The following DIAPH3 variants were observed in gnomAD, a reference collection of about 807,000 sequenced individuals.
The protein encoded by DIAPH3 is protein diaphanous homolog 3.
DIAPH3 carries 117 observed loss-of-function variants against 144.3 expected under a neutral mutation model. That is an observed-to-expected ratio of 0.81 (90% CI 0.70 to 0.95). DIAPH3 has a LOEUF of 0.95. Among genes scored for constraint, DIAPH3 ranks in the 40% least tolerant of loss-of-function variants. DIAPH3 has a pLI of 0.00. For synonymous variants in DIAPH3, 519 were observed against 488.9 expected (o/e 1.06, Z -0.81); for missense variants, 1,421 against 1,412.7 (o/e 1.01, Z -0.09).
chr13:59,831,743 G>A (rs897427960), intron 24 of DIAPH3, among the ~76,000 whole-genome samples: 2 of 151,782 alleles, frequency 1.3e-5, no homozygotes, highest in Admixed American at 1.3e-4. Context: ...ATATTTCTAG[G>A]TCTCTTAGTA....
At chr13:59,737,987 T>C (rs559075941) in intron 27 of DIAPH3, among the ~76,000 whole-genome samples, 53 of 152,008 alleles carry the variant, frequency 3.5e-4, no homozygotes, top group African/African-American at 1.3e-3. Context: ...GCCAAGATGA[T>C]GAAAATCTGT....
chr13:60,071,258 C>T (rs1192869237), intron 4 of DIAPH3, among the ~76,000 whole-genome samples: 1 of 152,132 alleles, frequency 6.6e-6, no homozygotes, highest in Non-Finnish European at 1.5e-5. Flanking sequence ...TTATCATCTT[C>T]CTTTTCTGAT....
At chr13:59,751,231 T>C (rs1489271282) in intron 27 of DIAPH3, among the ~76,000 whole-genome samples, 3 of 152,248 alleles carry the variant, frequency 2.0e-5, no homozygotes, top group African/African-American at 7.2e-5. Context: ...GAGAAGAGTG[T>C]ACTGCGTTAT....
At chr13:59,968,782 A>G (rs771484056) in intron 17 of DIAPH3, among the ~76,000 whole-genome samples, 1 of 152,186 alleles carries the variant, frequency 6.6e-6, no homozygotes, top group Non-Finnish European at 1.5e-5. Flanking sequence ...AGGAATACTA[A>G]TACATTTTTA....
chr13:59,955,436 A>G (rs1346877876), intron 17 of DIAPH3, among the ~76,000 whole-genome samples: 1 of 152,060 alleles, frequency 6.6e-6, no homozygotes, highest in African/African-American at 2.4e-5. Context: ...ACATTCCTAC[A>G]TGATTGTGAG....
At chr13:59,999,590 T>C (rs888831445) in intron 9 of DIAPH3, among the ~76,000 whole-genome samples, 1 of 152,302 alleles carries the variant, frequency 6.6e-6, no homozygotes, top group East Asian at 1.9e-4. Flanking sequence ...CACAGTTCCC[T>C]GCTCCCAGCC....
chr13:59,713,171 C>T (rs1469227311), intron 27 of DIAPH3, among the ~76,000 whole-genome samples: 1 of 151,882 alleles, frequency 6.6e-6, no homozygotes, highest in Non-Finnish European at 1.5e-5. Context: ...TACAGTGCTA[C>T]AGTGCCTGGC....
chr13:59,798,106 C>T (rs1048062073), intron 25 of DIAPH3, among the ~76,000 whole-genome samples: 3 of 152,130 alleles, frequency 2.0e-5, no homozygotes, highest in African/African-American at 7.2e-5. Context: ...CACTAGAAAG[C>T]CCCATTGATT....
At chr13:59,877,265 A>G (rs1174938792) in intron 21 of DIAPH3, among the ~76,000 whole-genome samples, 1 of 152,106 alleles carries the variant, frequency 6.6e-6, no homozygotes, top group African/African-American at 2.4e-5. Context: ...TGCCTAAGGT[A>G]GATACTTAGG....
intron 27 of DIAPH3, among the ~76,000 whole-genome samples, chr13:59,724,417 C>T (rs1201274485): frequency 6.6e-6 from 1 of 152,048 alleles, no homozygotes; most frequent in Non-Finnish European, 1.5e-5. Flanking sequence ...AATCCACGGC[C>T]TTATAAATAA....
chr13:60,012,352 A>G (rs959827763), intron 7 of DIAPH3, among the ~76,000 whole-genome samples: 4 of 152,236 alleles, frequency 2.6e-5, no homozygotes, highest in African/African-American at 9.6e-5. Context: ...TGTTAGTAAT[A>G]GGGAAAAGTT....
Position 59,992,147 on chromosome 13 carries a change from G to A in DIAPH3, c.1165C>T (p.Leu389Phe), listed in dbSNP as rs991185931. The A allele has an allele frequency of 1.2e-6, 2 of 1,611,772 alleles. No homozygotes were observed. Among genetic ancestry groups the A allele is most frequent in the Non-Finnish European group, 1.7e-6 (2 of 1,178,702 alleles). The part of the protein sequence containing the change: ...CIKNDGLDIQ[L>F]KVFDEHKEED... ...TCTTTATGCTCATCAAAGACTTTAA[G>A]TTGGATATCCAGGCCATCATTCTTA... Residue 389 changes from leucine to phenylalanine, a missense_variant, in exon 11 of 28, where the codon CTT becomes TTT. Coordinates refer to ENST00000400324, the MANE Select transcript of DIAPH3 (RefSeq NM_001042517.2).
At position 59,666,774 on chromosome 13, in the gene DIAPH3, G is replaced by C; in HGVS notation, c.3392C>G (p.Pro1131Arg). ...ATTATAATTAAGCTCCTTGGCGACT[G>C]GAGTCCTTGTTGAGTTGCAATTGAT... ...YNINCNSTRT[P>R]VAKELNYNLD... The change falls in exon 28 of 28, where the codon CCA becomes CGA. Residue 1131 changes from proline (P) to arginine (R), a missense_variant. Physicochemically the swap from Pro to Arg is moderately radical, Grantham distance 103 (BLOSUM62 -2). Coordinates refer to ENST00000400324, the MANE Select transcript of DIAPH3 (RefSeq NM_001042517.2). The C allele has an allele frequency of 6.2e-7, 1 of 1,614,122 alleles. No individual in the cohort carries two copies. Among genetic ancestry groups the C allele is most frequent in the East Asian group, 2.2e-5 (1 of 44,880 alleles).
At position 59,957,902 on chromosome 13, in the gene DIAPH3, G is replaced by A. The variant is rs186540469; in HGVS notation, c.2074+12042C>T. ...TGCTAGGGAAACAGAAAGCCAAACT[G>A]TCCCACTGTGACCTGTGAAACCCTG... On this transcript the variant is annotated intron_variant, in intron 17 of 27. Transcript: ENST00000400324. 1.4e-4 allele frequency among the ~76,000 whole-genome samples: 22 copies of A among 152,190 alleles called. No homozygotes were observed. The East Asian group carries it at 2.9e-3, about 20-fold the overall frequency.
intron 21 of DIAPH3, among the ~76,000 whole-genome samples, chr13:59,876,786 A>T (rs1345150043): frequency 6.6e-6 from 1 of 152,192 alleles, no homozygotes; most frequent in Non-Finnish European, 1.5e-5. Flanking sequence ...AGAGGATCAC[A>T]GACACTTTTG....
intron 4 of DIAPH3, among the ~76,000 whole-genome samples, chr13:60,080,439 G>C (rs2057516806): frequency 6.6e-6 from 1 of 151,640 alleles, no homozygotes; most frequent in Admixed American, 6.6e-5. Context: ...TTATAGTTTG[G>C]TTTCAGAATT....
chr13:59,721,160 G>A (rs1043187438), intron 27 of DIAPH3, among the ~76,000 whole-genome samples: 1 of 152,090 alleles, frequency 6.6e-6, no homozygotes, highest in African/African-American at 2.4e-5. Context: ...TTTTTGGGTA[G>A]TTCTATTATA....
chr13:59,830,930 G>T (rs1176264810), intron 24 of DIAPH3, among the ~76,000 whole-genome samples: 1 of 151,806 alleles, frequency 6.6e-6, no homozygotes, highest in Non-Finnish European at 1.5e-5. Context: ...ATTCTAATTT[G>T]TGAAATGGAA....
At chr13:59,992,734 C>T in intron 9 of DIAPH3, 151 bp from the exon 10 acceptor site, 1 of 627,158 alleles carries the variant, frequency 1.6e-6, no homozygotes. Flanking sequence ...TTATAAACTA[C>T]AGAAGAAATA....
Sources: gnomAD v4.1 joint callset for allele counts (sites outside exome capture counted in the v4.1 genomes callset) on GRCh38, gnomAD v4.1.1 for gene constraint, MANE v1.5 for transcripts, NCBI Gene and HGNC (gene_info 2026-07-23, HGNC 2026-07-21) for gene names.